The following MFSD11 variants were observed in gnomAD, a reference collection of about 807,000 sequenced individuals.
MFSD11 encodes the protein major facilitator superfamily domain containing 11.
In MFSD11, 36 loss-of-function variants were observed where a neutral mutation model predicts 53.5. That is an observed-to-expected ratio of 0.67 (90% confidence interval 0.52 to 0.89). The LOEUF (loss-of-function observed/expected upper bound fraction) is 0.89. Ranked by LOEUF, MFSD11 falls within the 40% of genes least tolerant of loss-of-function variation. MFSD11 has a pLI of 0.00. For synonymous variants in MFSD11, 186 were observed against 184.9 expected (o/e 1.01, Z -0.05); for missense variants, 530 against 543.9 (o/e 0.97, Z 0.25).
chr17:76,751,698 C>G (rs1319690778), intron 7 of MFSD11, among the ~76,000 whole-genome samples: 1 of 67,186 alleles, frequency 1.5e-5, no homozygotes, highest in Admixed American at 1.6e-4. Context: ...GACTCGGTCT[C>G]AAAAAAAAAA....
At chr17:76,739,074 T>C in intron 2 of MFSD11, 81 bp downstream of exon 2, 1 of 1,084,748 alleles carries the variant, frequency 9.2e-7, no homozygotes, top group South Asian at 1.3e-5. Context: ...CAATAGAATA[T>C]TGTGATTGAA....
intron 11 of MFSD11, among the ~76,000 whole-genome samples, chr17:76,775,840 C>G (rs1338419419): frequency 1.3e-5 from 2 of 152,278 alleles, no homozygotes; most frequent in African/African-American, 4.8e-5. Context: ...TGAAACACTT[C>G]TGGTCTTGAT....
At chr17:76,801,591 C>A in the MFSD11 span, among the ~76,000 whole-genome samples, 1 of 151,812 alleles carries the variant, frequency 6.6e-6, no homozygotes, top group South Asian at 2.1e-4. Flanking sequence ...GGATTACAGT[C>A]ATGCACCACC....
chr17:76,800,370 A>G, the MFSD11 span, among the ~76,000 whole-genome samples: 3,697 of 152,282 alleles, frequency 0.024, 147 homozygotes, highest in African/African-American at 0.083. Flanking sequence ...AAGCTGGCTT[A>G]AGTGTCCAGT....
Position 76,738,282 on chromosome 17 carries a change from G to T in MFSD11, c.-71G>T, listed in dbSNP as rs770646457. 2.1e-6 allele frequency: 2 copies of T among 974,826 alleles called. No homozygotes were observed. The highest frequency in any genetic ancestry group is 4.8e-5 in the East Asian group (2 of 41,918). The allele number at this position is 974,826 out of a possible 1,614,324, so 60.4% of individuals were successfully genotyped here. A position where few individuals can be genotyped will look rare whatever the true frequency, so the allele number is the denominator to read the frequency against. ...CTCACCATCTCATTTCTTTCTCCAG[G>T]ATTGTCAGTGGCTTCGCCCCGAGGA... On this transcript the variant is annotated 5_prime_UTR_variant, in exon 1 of 13. Coordinates refer to ENST00000685175, the MANE Select transcript of MFSD11 (RefSeq NM_001242532.5).
upstream of MFSD11, chr17:76,737,968 T>A: frequency 3.8e-6 from 1 of 259,920 alleles, no homozygotes; most frequent in South Asian, 1.6e-4. Flanking sequence ...GCGCCGCGGC[T>A]GCGGTCAGGT....
Position 76,742,216 on chromosome 17 carries a change from C to T in MFSD11, c.380C>T (p.Ser127Leu), listed in dbSNP as rs143066496. The T allele has an allele frequency of 1.9e-5, 30 of 1,614,042 alleles. No individual in the cohort carries two copies. Among genetic ancestry groups the T allele is most frequent in the Admixed American group, 8.3e-5 (5 of 60,000 alleles). The change falls in exon 5 of 13, where the codon TCG becomes TTG. Residue 127 changes from serine (S) to leucine (L), a missense_variant. By Grantham distance (145) the Ser-to-Leu change is moderately radical (BLOSUM62 -2). Transcript: ENST00000685175. ...CAAGGAAACTGCCTGACAATCAATT[C>T]GGATGAGCACAGCATTGGGAGAAAC... ...TAQGNCLTINSDEHSIGRNSG... is the reference protein window; with the variant it reads ...TAQGNCLTINLDEHSIGRNSG...
At chr17:76,758,128 G>A (rs1309429158) in intron 8 of MFSD11, among the ~76,000 whole-genome samples, 3 of 152,210 alleles carry the variant, frequency 2.0e-5, no homozygotes, top group East Asian at 1.9e-4. Context: ...ACAAAGTCTA[G>A]AATCAAGCCC....
chr17:76,783,214 T>C (rs907514087), downstream of MFSD11, among the ~76,000 whole-genome samples: 2 of 152,124 alleles, frequency 1.3e-5, no homozygotes, highest in African/African-American at 4.8e-5. Flanking sequence ...GCTTGTCTTA[T>C]ATATGCTGTT....
At chr17:76,801,919 G>A in the MFSD11 span, among the ~76,000 whole-genome samples, 1 of 152,176 alleles carries the variant, frequency 6.6e-6, no homozygotes, top group Non-Finnish European at 1.5e-5. Context: ...AGCCCATTAG[G>A]TCTTGGCCTC....
chr17:76,775,268 C>T (rs1423831335), intron 11 of MFSD11, 97 bp downstream of exon 11: 1 of 1,094,568 alleles, frequency 9.1e-7, no homozygotes, highest in Non-Finnish European at 1.3e-6. Flanking sequence ...CTTCAGAGAG[C>T]CTGGTGTCTC....
At chr17:76,746,824 T>C (rs977739733) in intron 7 of MFSD11, among the ~76,000 whole-genome samples, 1 of 152,224 alleles carries the variant, frequency 6.6e-6, no homozygotes, top group South Asian at 2.1e-4. Flanking sequence ...AGCCAAGTGC[T>C]TTGTTGGAGG....
chr17:76,777,267 CAAA>C (rs1055404399), intron 12 of MFSD11, among the ~76,000 whole-genome samples: 5 of 57,968 alleles, frequency 8.6e-5, no homozygotes, highest in Admixed American at 1.8e-4. Flanking sequence ...GACTCCGTCT[CAAA>C]AAAAAAAAAA....
chr17:76,767,279 G>A (rs944690717), intron 8 of MFSD11, 107 bp from the exon 9 acceptor site: 3 of 658,530 alleles, frequency 4.6e-6, no homozygotes, highest in Middle Eastern at 4.0e-4. Flanking sequence ...CAAAGTGTTC[G>A]TTTACTGGCA....
intron 7 of MFSD11, among the ~76,000 whole-genome samples, 198 bp from the exon 8 acceptor site, chr17:76,753,849 A>G (rs1480214069): frequency 6.6e-6 from 1 of 152,142 alleles, no homozygotes; most frequent in East Asian, 1.9e-4. Context: ...AGAGGTGCCC[A>G]GGTGGGACTT....
chr17:76,785,933 G>T (rs895789132), downstream of MFSD11, among the ~76,000 whole-genome samples: 1 of 151,678 alleles, frequency 6.6e-6, no homozygotes. Flanking sequence ...ACAAAAATTA[G>T]CTGGGCATGG....
intron 8 of MFSD11, among the ~76,000 whole-genome samples, chr17:76,764,353 A>G (rs2080603393): frequency 1.3e-5 from 2 of 152,126 alleles, no homozygotes; most frequent in South Asian, 4.1e-4. Context: ...GATCCTCAGC[A>G]CTCACTCATC....
At chr17:76,775,267 G>C (rs1336502479) in intron 11 of MFSD11, 96 bp downstream of exon 11, 10 of 1,135,056 alleles carry the variant, frequency 8.8e-6, no homozygotes, top group Non-Finnish European at 1.1e-5. Flanking sequence ...TCTTCAGAGA[G>C]CCTGGTGTCT....
In MFSD11 at chr17:76,765,887, T is replaced by G. The variant is rs567270507; in HGVS notation, c.683-1499T>G. On this transcript the variant is annotated intron_variant, in intron 8 of 12. Transcript: ENST00000685175. ...GTTCCCATGTGGCCCCTATACCACA[T>G]GTATGGAACTTCCCTCTGTTATTAA... Among the ~76,000 whole-genome samples, 3 of 151,864 alleles carry G rather than the reference T, an allele frequency of 2.0e-5. No individual in the cohort carries two copies. In the East Asian group the frequency reaches 5.8e-4, roughly 29 times the overall value.
Sources: allele counts gnomAD v4.1 joint callset (sites outside exome capture counted in the v4.1 genomes callset), GRCh38; gene constraint gnomAD v4.1.1; transcripts MANE v1.5; gene names NCBI Gene and HGNC (gene_info 2026-07-23, HGNC 2026-07-21).